Variants in LTBP2 observed in about 807,000 individuals in gnomAD.
The protein encoded by LTBP2 is latent-transforming growth factor beta-binding protein 2.
In LTBP2, 103 loss-of-function variants were observed where a neutral mutation model predicts 210.6. The ratio of observed to expected loss-of-function variants is 0.49; its 90% CI spans 0.42 to 0.58. LTBP2 has a LOEUF of 0.58. Ranked by LOEUF, LTBP2 falls within the 20% of genes least tolerant of loss-of-function variation. LTBP2 has a pLI of 0.00. For missense variants in LTBP2, 2,313 were observed against 2,494.5 expected (o/e 0.93, Z 1.55); for synonymous variants, 1,007 against 1,015.0 (o/e 0.99, Z 0.15).
chr14:74,560,556 C>T (rs899447933), intron 3 of LTBP2, among the ~76,000 whole-genome samples: 2 of 152,204 alleles, frequency 1.3e-5, no homozygotes, highest in South Asian at 2.1e-4. Flanking sequence ...TTCCCAACAG[C>T]GATGGGAAGA....
chr14:74,596,521 C>T (rs1157732102), intron 2 of LTBP2, among the ~76,000 whole-genome samples: 1 of 152,166 alleles, frequency 6.6e-6, no homozygotes, highest in African/African-American at 2.4e-5. Context: ...AGGCTGCACT[C>T]AGGGAGCTGG....
At chr14:74,506,231 C>A (rs1291461492) in intron 27 of LTBP2, 40 bp from the exon 28 acceptor site, 2 of 1,613,850 alleles carry the variant, frequency 1.2e-6, no homozygotes, top group East Asian at 2.2e-5. Context: ...AGAAAAGAGG[C>A]AGCCCGTGCC....
At chr14:74,600,691 C>T (rs940111554) in intron 2 of LTBP2, among the ~76,000 whole-genome samples, 4 of 152,160 alleles carry the variant, frequency 2.6e-5, no homozygotes, top group Non-Finnish European at 5.9e-5. Context: ...CAAACCTCAG[C>T]AACATTCTCC....
chr14:74,551,155 C>T lies in LTBP2; in HGVS notation c.1595G>A (p.Arg532Gln), dbSNP rs140234036. The change falls in exon 7 of 36, where the codon CGG becomes CAG. Residue 532 changes from arginine (R) to glutamine (Q), a missense_variant. Physicochemically the swap from Arg to Gln is conservative, Grantham distance 43. This residue lies in a region of LTBP2 where 1,867 missense variants were observed against 1,976.9 expected (regional missense o/e 0.94). Transcript: ENST00000261978. ...SLWDSNNIPA[R>Q]SGEPPRPLPP... ...CAGTGGCCGAGGGGGCTCTCCAGAC[C>T]GAGCAGGGATGTTGTTGCTGTCCCA... The T allele has an allele frequency of 6.8e-5, 109 of 1,613,794 alleles. 1 individual carries two copies. The African/African-American group carries it at 1.0e-3, about 15-fold the overall frequency.
At chr14:74,518,064 C>T (rs1431467141) in intron 17 of LTBP2, among the ~76,000 whole-genome samples, 1 of 152,338 alleles carries the variant, frequency 6.6e-6, no homozygotes, top group East Asian at 1.9e-4. Context: ...AATCCCTGCC[C>T]CCATTTCAAG....
intron 2 of LTBP2, among the ~76,000 whole-genome samples, chr14:74,598,215 G>A (rs1363782762): frequency 6.6e-6 from 1 of 152,198 alleles, no homozygotes; most frequent in Admixed American, 6.5e-5. Context: ...TGTCATGAAT[G>A]GGGCAAACAG....
rs565174376 is a variant in LTBP2 at position 74,517,001 on chromosome 14, G to A, written c.2789-60C>T. On this transcript the variant is annotated intron_variant, in intron 17 of 35. Coordinates refer to ENST00000261978, the MANE Select transcript of LTBP2 (RefSeq NM_000428.3). ...AGCCCTGGAGGATGGTGGAGGGGGC[G>A]GGGTCCTGGAGCATTCCTTCTAGAG... is the stretch of plus-strand genomic sequence containing the variant. 2.7e-3 allele frequency: 4,179 copies of A among 1,541,258 alleles called. 9 individuals carry two copies. The highest frequency in any genetic ancestry group is 3.3e-3 in the Non-Finnish European group (3,834 of 1,145,020).
intron 3 of LTBP2, among the ~76,000 whole-genome samples, chr14:74,564,097 A>T (rs376620559): frequency 3.9e-4 from 9 of 22,950 alleles, no homozygotes; most frequent in African/African-American, 6.8e-4. Context: ...TTATATATAT[A>T]TTTATATATA....
intron 24 of LTBP2, 144 bp downstream of exon 24, chr14:74,508,460 C>T (rs529756555): frequency 2.2e-5 from 32 of 1,455,262 alleles, no homozygotes; most frequent in Middle Eastern, 2.4e-4. Context: ...TGGGCAGGGC[C>T]GTGAGCACTT....
chr14:74,514,730 C>G (rs1419065370), intron 18 of LTBP2, among the ~76,000 whole-genome samples: 1 of 152,130 alleles, frequency 6.6e-6, no homozygotes, highest in African/African-American at 2.4e-5. Context: ...GGGCCTCTGT[C>G]CAGACCACTC....
chr14:74,578,962 TC>T (rs1449355662), intron 3 of LTBP2, among the ~76,000 whole-genome samples: 1 of 152,184 alleles, frequency 6.6e-6, no homozygotes, highest in Non-Finnish European at 1.5e-5. Context: ...TTCAAGCAAT[TC>T]CCCTGTCTCA....
chr14:74,510,401 G>C (rs1454216151), intron 19 of LTBP2, among the ~76,000 whole-genome samples, 188 bp from the exon 20 acceptor site: 6 of 152,174 alleles, frequency 3.9e-5, no homozygotes, highest in African/African-American at 1.2e-4. Context: ...CCCATCCCCC[G>C]GGCTCACTTC....
rs764354987 is a variant in LTBP2, at chr14:74,586,024, C to T, written c.660G>A (p.Glu220=). The T allele has an allele frequency of 3.7e-6, 6 of 1,605,260 alleles. No individual in the cohort carries two copies. Among genetic ancestry groups the T allele is most frequent in the Middle Eastern group, 3.3e-4 (2 of 6,068 alleles). ...RSGFRGARCE[E]VIPDEEFDPQ... ...GGTCAAATTCCTCATCGGGAATGAC[C>T]TCCTCGCAGCGGGCTCCACGGAAAC... The change falls in exon 3 of 36, where the codon GAG becomes GAA. Residue 220 remains glutamate, a synonymous_variant. Transcript: ENST00000261978. This position sits in a 1 kb window ranked among gnomAD's most constrained non-coding sequence, Gnocchi z 4.6.
intron 1 of LTBP2, among the ~76,000 whole-genome samples, chr14:74,605,341 C>T (rs2088510261): frequency 1.3e-5 from 2 of 152,236 alleles, no homozygotes; most frequent in Non-Finnish European, 1.5e-5. Context: ...GCCTCCCTCC[C>T]AGGGAGCTCC....
At position 74,611,616 on chromosome 14, in the gene LTBP2, T is replaced by C; in HGVS notation, c.329A>G (p.Gln110Arg). The stretch of plus-strand genomic sequence containing the variant: ...AGGTGGCTGGACACGCCGCGACTGC[T>C]GCGCGCGGGACGGCCTCCTGGCCTC... ...EAEARRPSRA[Q>R]QSRRVQPPAQ... is the part of the protein sequence containing the mutation. Residue 110 changes from glutamine (Q) to arginine (R), a missense_variant, in exon 1 of 36, where the codon CAG becomes CGG. Transcript: ENST00000261978. 1 of 1,563,116 alleles carries C rather than the reference T, an allele frequency of 6.4e-7. No individual in the cohort carries two copies. Among genetic ancestry groups the C allele is most frequent in the African/African-American group, 1.4e-5 (1 of 73,118 alleles).
chr14:74,545,818 A>G (rs1386274546), intron 8 of LTBP2, among the ~76,000 whole-genome samples: 2 of 152,242 alleles, frequency 1.3e-5, no homozygotes, highest in African/African-American at 4.8e-5. Flanking sequence ...GACCTGGCTC[A>G]GGCTAAGTCC....
At chr14:74,589,797 G>T (rs1472142852) in intron 2 of LTBP2, among the ~76,000 whole-genome samples, 1 of 152,130 alleles carries the variant, frequency 6.6e-6, no homozygotes, top group Non-Finnish European at 1.5e-5. Flanking sequence ...TTTTTTTAGG[G>T]AGGGAATAGA....
At chr14:74,518,334 A>G (rs2087160412) in intron 17 of LTBP2, among the ~76,000 whole-genome samples, 1 of 152,294 alleles carries the variant, frequency 6.6e-6, no homozygotes, top group Middle Eastern at 3.4e-3. Context: ...CAGCTCCTCA[A>G]GCCTGGCGTG....
Position 74,501,031 on chromosome 14 carries a change from T to A in LTBP2, c.5321-2A>T. 3 of 1,613,020 alleles carry A rather than the reference T, an allele frequency of 1.9e-6. No homozygotes were observed. Among genetic ancestry groups the A allele is most frequent in the Non-Finnish European group, 2.5e-6 (3 of 1,179,522 alleles). ...TCAAGTCATCACACTCATTCACATC[T>A]AAGAGGAAACAAAGGAGAGTGCTGT... On this transcript the variant is annotated splice_acceptor_variant, in intron 35 of 35. Transcript: ENST00000261978. LOFTEE classifies it high-confidence loss of function.
Sources: gnomAD v4.1 joint callset for allele counts (sites outside exome capture counted in the v4.1 genomes callset) on GRCh38, gnomAD v4.1.1 for gene constraint, gnomAD v4.1.1 regional missense constraint, Gnocchi (gnomAD v3.1) non-coding constraint, MANE v1.5 for transcripts, NCBI Gene and HGNC (gene_info 2026-07-23, HGNC 2026-07-21) for gene names.